Variants in TEKTL1 observed in about 807,000 individuals in gnomAD.
TEKTL1 encodes the protein tektin-like protein 1.
chr19:15,012,163 G>A, the TEKTL1 span, among the ~76,000 whole-genome samples: 2 of 152,042 alleles, frequency 1.3e-5, no homozygotes, highest in East Asian at 3.9e-4. Flanking sequence ...TGGAGGCTGA[G>A]GCAGGAGGAT....
At chr19:15,019,782 G>T in the TEKTL1 span, among the ~76,000 whole-genome samples, 2 of 151,936 alleles carry the variant, frequency 1.3e-5, no homozygotes, top group African/African-American at 4.8e-5. Context: ...GAGCCTAGGA[G>T]TTTGAGACCA....
At chr19:15,012,103 AAAT>A in the TEKTL1 span, among the ~76,000 whole-genome samples, 1 of 151,582 alleles carries the variant, frequency 6.6e-6, no homozygotes, top group Non-Finnish European at 1.5e-5. Flanking sequence ...AAAAAAAAAA[AAAT>A]TTTTAGTGGC....
chr19:15,017,806 C>T, the TEKTL1 span, among the ~76,000 whole-genome samples: 1 of 152,178 alleles, frequency 6.6e-6, no homozygotes. Flanking sequence ...TCACCCCACC[C>T]CCAAAGAGTC....
chr19:15,020,216 G>A, the TEKTL1 span, among the ~76,000 whole-genome samples: 4 of 151,686 alleles, frequency 2.6e-5, no homozygotes, highest in Non-Finnish European at 5.9e-5. Flanking sequence ...GCTTAGGCAG[G>A]AGGATTACTT....
At chr19:15,018,068 A>G in the TEKTL1 span, among the ~76,000 whole-genome samples, 3 of 152,248 alleles carry the variant, frequency 2.0e-5, no homozygotes, top group South Asian at 6.2e-4. Flanking sequence ...TGGAGTGAGG[A>G]AGGAAACCAA....
chr19:15,021,809 C>G, the TEKTL1 span: 1 of 1,613,996 alleles, frequency 6.2e-7, no homozygotes, highest in Non-Finnish European at 8.5e-7. Flanking sequence ...CCACCAGGGT[C>G]CTCTGTCGAA....
chr19:15,022,974 T>C, the TEKTL1 span: 5 of 1,613,402 alleles, frequency 3.1e-6, no homozygotes, highest in Admixed American at 1.7e-5. Flanking sequence ...TGCAAGAACA[T>C]CGGGCATGAG....
chr19:15,019,055 C>A, the TEKTL1 span, among the ~76,000 whole-genome samples: 1 of 151,822 alleles, frequency 6.6e-6, no homozygotes, highest in Non-Finnish European at 1.5e-5. Context: ...CTCAGGTGAC[C>A]CCCCCACCTC....
the TEKTL1 span, among the ~76,000 whole-genome samples, chr19:15,013,448 A>C: frequency 6.6e-6 from 1 of 152,096 alleles, no homozygotes; most frequent in East Asian, 1.9e-4. Context: ...AGACGCCCCC[A>C]ACCTCAAGCT....
At chr19:15,011,096 G>A in the TEKTL1 span, 1 of 1,568,010 alleles carries the variant, frequency 6.4e-7, no homozygotes, top group Non-Finnish European at 8.6e-7. Context: ...GCCGCCAGGC[G>A]AGGGCGTCAC....
chr19:15,018,596 C>T, the TEKTL1 span, among the ~76,000 whole-genome samples: 6 of 149,804 alleles, frequency 4.0e-5, no homozygotes, highest in African/African-American at 1.5e-4. Flanking sequence ...GTCTGGTGTC[C>T]CAGCTACTTG....
chr19:15,016,342 A>C, the TEKTL1 span, among the ~76,000 whole-genome samples: 85 of 152,164 alleles, frequency 5.6e-4, no homozygotes, highest in East Asian at 7.4e-3. Context: ...GGTGCCTGCC[A>C]GCACACCCGG....
the TEKTL1 span, among the ~76,000 whole-genome samples, chr19:15,018,944 A>G: frequency 2.0e-5 from 3 of 151,344 alleles, no homozygotes; most frequent in South Asian, 4.2e-4. Context: ...TGTACTGTTC[A>G]TGGTTGTTTT....
At chr19:15,020,680 G>A in the TEKTL1 span, 1 of 1,591,086 alleles carries the variant, frequency 6.3e-7, no homozygotes, top group East Asian at 2.3e-5. Flanking sequence ...ACTGTACTGG[G>A]TCGTATTGGT....
the TEKTL1 span, chr19:15,013,903 A>G: frequency 1.6e-6 from 1 of 630,642 alleles, no homozygotes; most frequent in Non-Finnish European, 2.8e-6. Context: ...CCAGATATTC[A>G]CTGCATTTTG....
At chr19:15,011,434 A>G in the TEKTL1 span, 29 of 1,387,028 alleles carry the variant, frequency 2.1e-5, no homozygotes, top group African/African-American at 3.1e-5. Context: ...GCCTAACTGC[A>G]AAGACTGAGG....
chr19:15,022,217 G>A, the TEKTL1 span, among the ~76,000 whole-genome samples: 71,216 of 151,932 alleles, frequency 0.47, 17,238 homozygotes, highest in African/African-American at 0.59. Context: ...GAGCACGTCA[G>A]CACCCACTTC....
the TEKTL1 span, chr19:15,013,528 C>T: frequency 1.6e-6 from 1 of 613,970 alleles, no homozygotes. Context: ...AGTGAGACAC[C>T]CCACCCAAAG....
chr19:15,017,807 C>G, the TEKTL1 span, among the ~76,000 whole-genome samples: 3 of 152,242 alleles, frequency 2.0e-5, no homozygotes, highest in East Asian at 1.9e-4. Flanking sequence ...CACCCCACCC[C>G]CAAAGAGTCA....
Sources: gnomAD v4.1 joint callset for allele counts (sites outside exome capture counted in the v4.1 genomes callset) on GRCh38, gnomAD v4.1.1 for gene constraint, MANE v1.5 for transcripts, NCBI Gene and HGNC (gene_info 2026-07-23, HGNC 2026-07-21) for gene names.